DMD: variants seen among roughly 807,000 people sequenced by gnomAD.
DMD encodes mutant dystrophin.
Under a neutral mutation model 330.1 loss-of-function variants are expected in DMD, and 63 were observed. That is an observed-to-expected ratio of 0.19 (90% confidence interval 0.16 to 0.24). The LOEUF (loss-of-function observed/expected upper bound fraction) is 0.24, where lower values mean the gene tolerates loss of function less well. Ranked by LOEUF, DMD falls within the 10% of genes least tolerant of loss-of-function variation. The pLI, the probability that DMD is intolerant of heterozygous loss-of-function variation, is 1.00. For missense variants in DMD, 3,344 were observed against 2,684.1 expected, an observed-to-expected ratio of 1.25 and a Z score of -5.43; for synonymous variants, 1,223 against 959.8, an observed-to-expected ratio of 1.27 and a Z score of -5.07.
intron 57 of DMD, among the ~76,000 whole-genome samples, chrX:31,486,124 G>A (rs982850409): frequency 1.8e-5 from 2 of 112,855 alleles, no homozygotes; most frequent in South Asian, 7.3e-4. Flanking sequence ...TAATCAATTT[G>A]TTAAGATCAT....
At chrX:31,233,409 CTT>C (rs1298139068) in intron 63 of DMD, among the ~76,000 whole-genome samples, 1 of 111,894 alleles carries the variant, frequency 8.9e-6, no homozygotes, top group East Asian at 2.8e-4. Flanking sequence ...AAATTTTCCT[CTT>C]TGTTATAAAA....
intron 1 of DMD, among the ~76,000 whole-genome samples, chrX:33,108,881 A>AAAAAAAAAAAAAAAAAAAAAAAG (rs1201118214): frequency 3.0e-5 from 3 of 99,685 alleles, no homozygotes; most frequent in Non-Finnish European, 6.2e-5. Context: ...AAAAAAAAAA[A>AAAAAAAAAAAAAAAAAAAAAAAG]AAGAAGAAGA....
At chrX:33,215,212 C>A (rs1184554590), upstream of DMD, among the ~76,000 whole-genome samples, 1 of 108,853 alleles carries the variant, frequency 9.2e-6, no homozygotes, top group African/African-American at 3.4e-5. Flanking sequence ...GTCATCACAG[C>A]CACTCAGGAG....
chrX:32,973,040 T>C (rs974810848), intron 2 of DMD, among the ~76,000 whole-genome samples: 7 of 111,756 alleles, frequency 6.3e-5, no homozygotes, highest in African/African-American at 2.3e-4. Context: ...ATGTTTCCTC[T>C]TTAGTCTGGG....
chrX:32,300,973 T>C (rs890005926), intron 42 of DMD, among the ~76,000 whole-genome samples: 7 of 110,972 alleles, frequency 6.3e-5, no homozygotes, highest in African/African-American at 2.3e-4. Flanking sequence ...TTAGTATAAA[T>C]GATTAAGCAA....
intron 17 of DMD, among the ~76,000 whole-genome samples, chrX:32,528,992 G>A (rs1489573625): frequency 9.6e-6 from 1 of 103,729 alleles, no homozygotes; most frequent in Non-Finnish European, 2.0e-5. Context: ...CACAATCTTG[G>A]CTCACTGCAA....
intron 7 of DMD, among the ~76,000 whole-genome samples, chrX:32,765,138 GC>G (rs1303985810): frequency 9.1e-6 from 1 of 109,750 alleles, no homozygotes; most frequent in Admixed American, 9.8e-5. Context: ...TTTTTTAATT[GC>G]TGTTTTTCTG....
At chrX:31,497,122 AG>A (rs1466596346) in intron 56 of DMD, among the ~76,000 whole-genome samples, 178 bp from the exon 57 acceptor site, 1 of 112,634 alleles carries the variant, frequency 8.9e-6, no homozygotes, top group Admixed American at 9.4e-5. Context: ...GGCAATTTTG[AG>A]AAAAGGCAGT....
chrX:32,069,424 G>A (rs774357325), intron 44 of DMD, among the ~76,000 whole-genome samples: 46 of 111,706 alleles, frequency 4.1e-4, no homozygotes, highest in Non-Finnish European at 8.3e-4. Flanking sequence ...AATTATGGTA[G>A]AATTGAGTGT....
rs2050904038 is a variant in DMD at position 32,560,747 on chromosome X, T to G, written c.1992+4955A>C. ...GAATAACAGCTTCCAGCTACATCCATGTCTCTGCAAAGGACATACTCTCAT... is the reference window on the plus strand; with the variant it reads ...GAATAACAGCTTCCAGCTACATCCAGGTCTCTGCAAAGGACATACTCTCAT... On this transcript the variant is annotated intron_variant, in intron 16 of 78. Coordinates refer to ENST00000357033, the MANE Select transcript of DMD (RefSeq NM_004006.3). 2.7e-5 allele frequency among the ~76,000 whole-genome samples: 3 copies of G among 111,951 alleles called. No homozygotes were observed. In the South Asian group the frequency reaches 1.1e-3, roughly 41 times the overall value.
intron 42 of DMD, among the ~76,000 whole-genome samples, chrX:32,292,021 T>C (rs1300257196): frequency 9.0e-6 from 1 of 111,134 alleles, no homozygotes; most frequent in Non-Finnish European, 1.9e-5. Context: ...CCAAAAATAA[T>C]AGACCTAGAT....
In DMD at chrX:31,285,736, C is replaced by T. The variant is rs778326001; in HGVS notation, c.9225-24720G>A. ...CAGGGGTGTAATAAACTCCAGCTGG[C>T]ATATCATGAGCCTAGTTATGTCAAA... On this transcript the variant is annotated intron_variant, in intron 62 of 78. Transcript: ENST00000357033. Among the ~76,000 whole-genome samples the T allele has an allele frequency of 7.2e-5, 8 of 111,557 alleles. No individual in the cohort carries two copies. In the South Asian group the frequency reaches 3.0e-3, roughly 42 times the overall value.
chrX:31,527,691 AG>A (rs761752581), intron 55 of DMD, among the ~76,000 whole-genome samples: 40 of 111,427 alleles, frequency 3.6e-4, no homozygotes, highest in South Asian at 7.6e-4. Flanking sequence ...GGAGAAGGGC[AG>A]TTGCTAACAG....
At chrX:31,375,322 C>A (rs758950505) in intron 60 of DMD, among the ~76,000 whole-genome samples, 3 of 111,701 alleles carry the variant, frequency 2.7e-5, no homozygotes, top group Non-Finnish European at 5.6e-5. Flanking sequence ...TTTTCCTCTG[C>A]GCAGTCATGC....
intron 50 of DMD, among the ~76,000 whole-genome samples, chrX:31,813,230 T>C (rs963663944): frequency 7.1e-5 from 8 of 112,098 alleles, no homozygotes; most frequent in Admixed American, 6.6e-4. Context: ...CCCAATTCAC[T>C]GGAGATTTTT....
At chrX:32,047,509 TAGAA>T (rs1338154785) in intron 44 of DMD, among the ~76,000 whole-genome samples, 1 of 111,794 alleles carries the variant, frequency 8.9e-6, no homozygotes, top group African/African-American at 3.2e-5. Context: ...TGCAGATAAT[TAGAA>T]AGAGTCTAGC....
At chrX:32,066,111 G>A (rs948571591) in intron 44 of DMD, among the ~76,000 whole-genome samples, 2 of 111,030 alleles carry the variant, frequency 1.8e-5, no homozygotes, top group South Asian at 3.7e-4. Flanking sequence ...ACTTATCAGT[G>A]GTTTAATTGT....
intron 50 of DMD, among the ~76,000 whole-genome samples, chrX:31,804,193 C>A (rs1451458004): frequency 9.0e-6 from 1 of 111,698 alleles, no homozygotes; most frequent in African/African-American, 3.3e-5. Context: ...ATTGAACTCA[C>A]AGTTCCCCTG....
intron 55 of DMD, among the ~76,000 whole-genome samples, chrX:31,540,903 T>C (rs1357108219): frequency 8.9e-6 from 1 of 112,403 alleles, no homozygotes; most frequent in Non-Finnish European, 1.9e-5. Flanking sequence ...TTTCCAAAAC[T>C]GTTTCTGCTC....
Sources: gnomAD v4.1 joint callset for allele counts (sites outside exome capture counted in the v4.1 genomes callset) on GRCh38, gnomAD v4.1.1 for gene constraint, MANE v1.5 for transcripts, NCBI Gene and HGNC (gene_info 2026-07-23, HGNC 2026-07-21) for gene names.